DNAJC1: variants seen among roughly 807,000 people sequenced by gnomAD.
The protein encoded by DNAJC1 is DnaJ heat shock protein family (Hsp40) member C1, also known as dnaJ homolog subfamily C member 1.
Under a neutral mutation model 76.6 loss-of-function variants are expected in DNAJC1, and 58 were observed. The ratio of observed to expected loss-of-function variants is 0.76; its 90% CI spans 0.61 to 0.94. The LOEUF is 0.94. Ranked by LOEUF, DNAJC1 falls within the 40% of genes least tolerant of loss-of-function variation. DNAJC1 has a pLI of 0.00. For synonymous variants in DNAJC1, 258 were observed against 267.9 expected, an observed-to-expected ratio of 0.96 and a Z score of 0.36; for missense variants, 689 against 677.3, an observed-to-expected ratio of 1.02 and a Z score of -0.19.
chr10:21,864,586 C>T (rs1428843215), intron 8 of DNAJC1, among the ~76,000 whole-genome samples: 2 of 151,406 alleles, frequency 1.3e-5, no homozygotes, highest in Non-Finnish European at 2.9e-5. Context: ...CACGCCACTG[C>T]ACTCCAGCCT....
At chr10:21,801,527 T>C (rs1314860134) in intron 9 of DNAJC1, among the ~76,000 whole-genome samples, 1 of 152,170 alleles carries the variant, frequency 6.6e-6, no homozygotes, top group African/African-American at 2.4e-5. Context: ...GATTATACAC[T>C]GTAGGTAGGA....
chr10:21,967,453 T>C (rs958669647), intron 1 of DNAJC1, among the ~76,000 whole-genome samples: 1 of 152,190 alleles, frequency 6.6e-6, no homozygotes, highest in Non-Finnish European at 1.5e-5. Context: ...ATCCTCTGTT[T>C]TTCCTGTCCC....
chr10:21,779,625 T>C (rs1347535382), intron 9 of DNAJC1, among the ~76,000 whole-genome samples: 1 of 152,070 alleles, frequency 6.6e-6, no homozygotes, highest in East Asian at 1.9e-4. Context: ...CAAAGGTAGA[T>C]AAAACCACAA....
chr10:21,875,006 A>G (rs792457), intron 8 of DNAJC1, among the ~76,000 whole-genome samples: 101,502 of 151,768 alleles, frequency 0.67, 34,397 homozygotes, highest in East Asian at 0.96. Flanking sequence ...TCAGCATCCC[A>G]AGTAGCTGGG....
intron 9 of DNAJC1, among the ~76,000 whole-genome samples, chr10:21,792,195 T>C (rs1454302325): frequency 1.3e-5 from 2 of 152,164 alleles, no homozygotes; most frequent in Non-Finnish European, 2.9e-5. Context: ...AGACCCGTAA[T>C]AACTTAAAAA....
chr10:21,831,789 C>CAA (rs141184526), intron 8 of DNAJC1, among the ~76,000 whole-genome samples: 1,924 of 111,092 alleles, frequency 0.017, 32 homozygotes, highest in Middle Eastern at 0.045. Flanking sequence ...GACTCCATCT[C>CAA]AAAAAAAAAA....
chr10:21,916,265 G>A (rs1000915946), intron 6 of DNAJC1, among the ~76,000 whole-genome samples: 1 of 152,082 alleles, frequency 6.6e-6, no homozygotes, highest in Non-Finnish European at 1.5e-5. Flanking sequence ...TGAGGTGGGC[G>A]GATCATGAGA....
intron 8 of DNAJC1, among the ~76,000 whole-genome samples, chr10:21,857,234 G>C (rs1221872718): frequency 6.6e-6 from 1 of 152,184 alleles, no homozygotes. Flanking sequence ...TAAGAGTAGA[G>C]TAAGAACCAT....
At chr10:21,926,454 A>G (rs1837131056) in intron 3 of DNAJC1, among the ~76,000 whole-genome samples, 1 of 152,180 alleles carries the variant, frequency 6.6e-6, no homozygotes. Flanking sequence ...TACACATTTA[A>G]AAGTATTATT....
At chr10:21,837,135 GCTC>G (rs1835474410) in intron 8 of DNAJC1, among the ~76,000 whole-genome samples, 1 of 152,224 alleles carries the variant, frequency 6.6e-6, no homozygotes, top group Non-Finnish European at 1.5e-5. Flanking sequence ...CTGGTCTCCA[GCTC>G]CTAACCGCGA....
At chr10:21,888,250 G>T (rs1319151509) in intron 7 of DNAJC1, among the ~76,000 whole-genome samples, 1 of 152,172 alleles carries the variant, frequency 6.6e-6, no homozygotes, top group Non-Finnish European at 1.5e-5. Context: ...TGATGCCAAG[G>T]TTATGGAGAA....
At chr10:21,939,331 C>T (rs1837364929) in intron 1 of DNAJC1, among the ~76,000 whole-genome samples, 1 of 152,198 alleles carries the variant, frequency 6.6e-6, no homozygotes, top group Non-Finnish European at 1.5e-5. Context: ...TATTTAGGAA[C>T]TTCAAACTCT....
At chr10:21,799,835 C>T (rs1834794064) in intron 9 of DNAJC1, among the ~76,000 whole-genome samples, 3 of 152,066 alleles carry the variant, frequency 2.0e-5, no homozygotes, top group African/African-American at 4.8e-5. Context: ...CACGTATTTA[C>T]CATCACACTT....
chr10:21,811,895 CA>C (rs966116042), intron 8 of DNAJC1, among the ~76,000 whole-genome samples: 1 of 151,998 alleles, frequency 6.6e-6, no homozygotes, highest in Non-Finnish European at 1.5e-5. Flanking sequence ...AGTATTTTTC[CA>C]AAGAGGTGCT....
In DNAJC1 at chr10:21,756,580, T is replaced by C. The variant is rs1834177442; in HGVS notation, c.*107A>G. 1 of 734,014 alleles carries C rather than the reference T, an allele frequency of 1.4e-6. No individual in the cohort carries two copies. Among genetic ancestry groups the C allele is most frequent in the Non-Finnish European group, 2.4e-6 (1 of 424,040 alleles). 45.5% of individuals were successfully genotyped at this position (734,014 alleles called of 1,614,324 possible). On this transcript the variant is annotated 3_prime_UTR_variant, in exon 12 of 12. Coordinates refer to ENST00000376980, the MANE Select transcript of DNAJC1 (RefSeq NM_022365.4). ...TTATTTATTTATTATTTTTTTTTAC[T>C]AAGGCACATGACGTAGAAATATTGA...
intron 8 of DNAJC1, among the ~76,000 whole-genome samples, chr10:21,840,950 A>T (rs937538125): frequency 6.6e-6 from 1 of 152,196 alleles, no homozygotes; most frequent in Non-Finnish European, 1.5e-5. Flanking sequence ...ATAATGCCGC[A>T]TATCTACAAC....
At chr10:21,762,217 A>G (rs1834249522) in intron 10 of DNAJC1, among the ~76,000 whole-genome samples, 1 of 152,212 alleles carries the variant, frequency 6.6e-6, no homozygotes, top group Non-Finnish European at 1.5e-5. Context: ...GATTACAGGC[A>G]TGAGCCACCA....
intron 7 of DNAJC1, 77 bp downstream of exon 7, chr10:21,904,445 C>A (rs527396473): frequency 3.2e-6 from 3 of 951,802 alleles, no homozygotes; most frequent in African/African-American, 3.5e-5. Context: ...TTAATTACTG[C>A]TGAATTTAAA....
intron 4 of DNAJC1, among the ~76,000 whole-genome samples, chr10:21,920,340 T>C (rs1489457536): frequency 6.6e-6 from 1 of 152,086 alleles, no homozygotes; most frequent in Non-Finnish European, 1.5e-5. Flanking sequence ...GAGTAGCATA[T>C]TAAACCAAGA....
Sources: gnomAD v4.1 joint callset for allele counts (sites outside exome capture counted in the v4.1 genomes callset) on GRCh38, gnomAD v4.1.1 for gene constraint, MANE v1.5 for transcripts, NCBI Gene and HGNC (gene_info 2026-07-23, HGNC 2026-07-21) for gene names.